PHF11: variants seen among roughly 807,000 people sequenced by gnomAD.
PHF11 encodes BRCA1 C-terminus-associated protein.
PHF11 carries 38 observed loss-of-function variants against 40.5 expected under a neutral mutation model. That is an observed-to-expected ratio of 0.94 (90% CI 0.72 to 1.23). PHF11 has a LOEUF of 1.23. PHF11 is among the 50% of genes most tolerant of loss of function. The pLI is 0.00. For missense variants in PHF11, 369 were observed against 392.4 expected (o/e 0.94, Z 0.50); for synonymous variants, 127 against 138.2 (o/e 0.92, Z 0.57).
rs1958798418 is a variant in PHF11 at position 49,496,058 on chromosome 13, G to A, written c.57G>A (p.Glu19=). The change falls in exon 1 of 10, where the codon GAG becomes GAA. Residue 19 remains glutamate (E), a synonymous_variant. Coordinates refer to ENST00000378319, the MANE Select transcript of PHF11 (RefSeq NM_001040443.3). The part of the protein sequence containing the change: ...PERVLGASSP[E]ARPAQEALLL... ...GGGTGCTCGGCGCCAGCAGCCCGGA[G>A]GCCCGGCCCGCGCAGGAGGCGCTCC... The A allele has an allele frequency of 6.9e-7, 1 of 1,458,674 alleles. No homozygotes were observed. Among genetic ancestry groups the A allele is most frequent in the Non-Finnish European group, 9.0e-7 (1 of 1,112,978 alleles). 90.4% of individuals were successfully genotyped at this position (1,458,674 alleles called of 1,614,324 possible).
chr13:49,500,620 A>C (rs6561529), intron 1 of PHF11, among the ~76,000 whole-genome samples: 102,866 of 151,522 alleles, frequency 0.68, 35,179 homozygotes, highest in East Asian at 0.87. Context: ...CCATTAAGAC[A>C]CTGTGATATG....
chr13:49,517,816 G>A (rs1328181418), intron 3 of PHF11, among the ~76,000 whole-genome samples: 3 of 152,172 alleles, frequency 2.0e-5, no homozygotes, highest in Non-Finnish European at 4.4e-5. Flanking sequence ...ATTCCGGTTA[G>A]CTGAGGTTTC....
At chr13:49,496,314 G>T in intron 1 of PHF11, 3 of 892,428 alleles carry the variant, frequency 3.4e-6, no homozygotes, top group Non-Finnish European at 4.4e-6. Context: ...GCCCAGGCCA[G>T]TTCCACAGGT....
At chr13:49,509,325 G>T (rs1346913464) in intron 2 of PHF11, among the ~76,000 whole-genome samples, 4 of 151,466 alleles carry the variant, frequency 2.6e-5, no homozygotes, top group African/African-American at 7.3e-5. Context: ...CGATTCTCCT[G>T]CCTCAGCCTC....
At chr13:49,514,302 G>A (rs919172658) in intron 3 of PHF11, among the ~76,000 whole-genome samples, 1 of 152,146 alleles carries the variant, frequency 6.6e-6, no homozygotes, top group Non-Finnish European at 1.5e-5. Flanking sequence ...CATTGCTCTA[G>A]GTAAACTCCC....
chr13:49,519,039 G>C (rs997772059), intron 4 of PHF11, among the ~76,000 whole-genome samples: 6 of 151,998 alleles, frequency 3.9e-5, no homozygotes, highest in Non-Finnish European at 8.8e-5. Flanking sequence ...GTTTCACCGT[G>C]TTAGCCAGGA....
intron 1 of PHF11, 65 bp downstream of exon 1, chr13:49,496,160 G>T (rs1474623525): frequency 2.0e-6 from 2 of 990,110 alleles, no homozygotes; most frequent in Non-Finnish European, 2.6e-6. Flanking sequence ...CGGTCAAGGG[G>T]CCTGCCTTCC....
At chr13:49,504,250 C>T (rs1275100238) in intron 1 of PHF11, among the ~76,000 whole-genome samples, 1 of 151,830 alleles carries the variant, frequency 6.6e-6, no homozygotes, top group Non-Finnish European at 1.5e-5. Flanking sequence ...AGTTTGAGAC[C>T]AGCCTGGGCA....
chr13:49,526,503 AT>A, intron 9 of PHF11, 45 bp downstream of exon 9: 1 of 251,508 alleles, frequency 4.0e-6, no homozygotes, highest in Non-Finnish European at 7.7e-6. Flanking sequence ...TTTGAGAAAT[AT>A]TTATCACGAT....
chr13:49,522,070 G>C lies in PHF11; in HGVS notation c.533G>C (p.Arg178Thr). ...SAKFSGVKRK[R>T]GRKKPLSGNH... Reference sequence around the variant, plus strand: ...AAATTTTCAGGAGTGAAAAGAAAAAGAGGAAGGAAGAAACCCCTCTCAGGC... The same window carrying C: ...AAATTTTCAGGAGTGAAAAGAAAAACAGGAAGGAAGAAACCCCTCTCAGGC... Residue 178 changes from arginine (R) to threonine (T), a missense_variant, in exon 6 of 10, where the codon AGA becomes ACA. Physicochemically the swap from Arg to Thr is moderately conservative, Grantham distance 71 (BLOSUM62 -1). Coordinates refer to ENST00000378319, the MANE Select transcript of PHF11 (RefSeq NM_001040443.3). 21 of 1,558,476 alleles carry C rather than the reference G, an allele frequency of 1.3e-5. No homozygotes were observed. Among genetic ancestry groups the C allele is most frequent in the Non-Finnish European group, 1.6e-5 (18 of 1,131,314 alleles).
chr13:49,507,642 C>T (rs1959021532), intron 2 of PHF11, among the ~76,000 whole-genome samples: 1 of 152,238 alleles, frequency 6.6e-6, no homozygotes, highest in African/African-American at 2.4e-5. Context: ...CTTAGTCTAG[C>T]TCACCTTAAA....
intron 1 of PHF11, among the ~76,000 whole-genome samples, chr13:49,498,488 A>G (rs906113666): frequency 1.3e-5 from 2 of 151,630 alleles, no homozygotes; most frequent in African/African-American, 2.4e-5. Flanking sequence ...TACATTTCAG[A>G]TAGATCATTC....
intron 1 of PHF11, among the ~76,000 whole-genome samples, chr13:49,500,599 A>G (rs1958886478): frequency 6.6e-6 from 1 of 152,220 alleles, no homozygotes; most frequent in African/African-American, 2.4e-5. Flanking sequence ...AAGAGCTAGA[A>G]GAGCCGAAAT....
At chr13:49,497,257 T>A in intron 1 of PHF11, 1 of 1,185,774 alleles carries the variant, frequency 8.4e-7, no homozygotes. Context: ...GACCTCTTCC[T>A]CAAACTCCAG....
Position 49,528,561 on chromosome 13 carries a change from GA to G in PHF11, c.894del (p.Glu299ArgfsTer8), listed in dbSNP as rs1959408205. The G allele has an allele frequency of 1.2e-6, 2 of 1,611,546 alleles. No individual in the cohort carries two copies. The highest frequency in any genetic ancestry group is 4.5e-5 in the East Asian group (2 of 44,858). Reference sequence around the variant, plus strand: ...TCAACAAAGGTGGCAGCAGTTGAAGGAAGAGATTGAGCTACTTCAGGACTTA... The same window carrying G: ...TCAACAAAGGTGGCAGCAGTTGAAGGAGAGATTGAGCTACTTCAGGACTTA... ...ASQQRWQQLKEEIELLQDLKQ... is the reference protein window; with the variant it reads ...ASQQRWQQLKXEIELLQDLKQ... On this transcript the variant is annotated frameshift_variant, in exon 10 of 10. Transcript: ENST00000378319. LOFTEE classifies it low-confidence loss of function (END_TRUNC).
At chr13:49,496,125 G>A in intron 1 of PHF11, 30 bp downstream of exon 1, 5 of 1,125,584 alleles carry the variant, frequency 4.4e-6, no homozygotes, top group South Asian at 2.8e-5. Context: ...GCGGGCGGGC[G>A]GGCGGGGCTG....
intron 1 of PHF11, among the ~76,000 whole-genome samples, chr13:49,500,665 C>A (rs909000397): frequency 2.6e-5 from 4 of 152,134 alleles, no homozygotes; most frequent in South Asian, 2.1e-4. Context: ...CTAGGGAGAA[C>A]CTGTGGGTCC....
chr13:49,498,990 A>T (rs1271970319), intron 1 of PHF11, among the ~76,000 whole-genome samples: 1 of 152,256 alleles, frequency 6.6e-6, no homozygotes, highest in Non-Finnish European at 1.5e-5. Context: ...AACCAGACTC[A>T]CAGACCCCCA....
chr13:49,527,312 A>C (rs958122361), intron 9 of PHF11: 2 of 152,170 alleles, frequency 1.3e-5, no homozygotes, highest in African/African-American at 4.8e-5. Flanking sequence ...GCACAGAGTC[A>C]AACAGCATTG....
Sources: allele counts gnomAD v4.1 joint callset (sites outside exome capture counted in the v4.1 genomes callset), GRCh38; gene constraint gnomAD v4.1.1; transcripts MANE v1.5; gene names NCBI Gene and HGNC (gene_info 2026-07-23, HGNC 2026-07-21).